Variants in MTHFD1 observed in about 807,000 individuals in gnomAD.
MTHFD1 encodes the protein methylenetetrahydrofolate dehydrogenase, cyclohydrolase and formyltetrahydrofolate synthetase 1.
MTHFD1 carries 44 observed loss-of-function variants against 110.3 expected under a neutral mutation model. The ratio of observed to expected loss-of-function variants is 0.40; its 90% CI spans 0.31 to 0.51. The LOEUF is 0.51. MTHFD1 is among the 20% of genes least tolerant of loss of function. The pLI is 0.60. For synonymous variants in MTHFD1, 402 were observed against 428.8 expected, an observed-to-expected ratio of 0.94 and a Z score of 0.77; for missense variants, 909 against 1,173.1, an observed-to-expected ratio of 0.77 and a Z score of 3.29.
chr14:64,422,985 G>A (rs936718504), intron 8 of MTHFD1: 1 of 152,116 alleles, frequency 6.6e-6, no homozygotes, highest in Non-Finnish European at 1.5e-5. Flanking sequence ...CTTACCTGTG[G>A]GAAAACGAAA....
intron 22 of MTHFD1, among the ~76,000 whole-genome samples, chr14:64,446,260 G>A (rs749417213): frequency 1.2e-4 from 19 of 152,084 alleles, no homozygotes; most frequent in Non-Finnish European, 2.5e-4. Flanking sequence ...GTATTTTTGT[G>A]TTTGTCCTAA....
chr14:64,448,695 C>G, intron 23 of MTHFD1: 1 of 275,308 alleles, frequency 3.6e-6, no homozygotes, highest in Non-Finnish European at 7.0e-6. Context: ...GGGCATATTA[C>G]TCTGGAAGGG....
At chr14:64,391,268 G>C (rs1192806129) in intron 1 of MTHFD1, among the ~76,000 whole-genome samples, 1 of 152,056 alleles carries the variant, frequency 6.6e-6, no homozygotes, top group African/African-American at 2.4e-5. Context: ...GGGTTCAAAC[G>C]ATTCTCCTGC....
At chr14:64,441,234 C>G in intron 18 of MTHFD1, 151 bp from the exon 19 acceptor site, 1 of 766,040 alleles carries the variant, frequency 1.3e-6, no homozygotes, top group Non-Finnish European at 2.4e-6. Context: ...ATAGCATATC[C>G]AGAAAAAAAC....
At chr14:64,457,226 AGC>A (rs1194965800) in intron 26 of MTHFD1, among the ~76,000 whole-genome samples, 9 of 152,208 alleles carry the variant, frequency 5.9e-5, no homozygotes, top group African/African-American at 1.7e-4. Context: ...CAGCTCAGCT[AGC>A]AAGACTGAAC....
intron 16 of MTHFD1, among the ~76,000 whole-genome samples, chr14:64,435,966 G>A (rs1016577419): frequency 1.3e-5 from 2 of 152,188 alleles, no homozygotes; most frequent in Non-Finnish European, 2.9e-5. Flanking sequence ...TTAATTTTAT[G>A]CAAAAAGTTT....
intron 8 of MTHFD1, among the ~76,000 whole-genome samples, chr14:64,420,480 T>C (rs571134759): frequency 1.3e-5 from 2 of 152,280 alleles, no homozygotes; most frequent in East Asian, 3.9e-4. Context: ...CATTCTTCCT[T>C]CCCGCAAGTC....
chr14:64,444,693 G>T lies in MTHFD1; in HGVS notation c.2137G>T (p.Val713Phe). The change falls in exon 22 of 28, where the codon GTC (valine) becomes TTC (phenylalanine). Residue 713 changes from valine (V) to phenylalanine (F), a missense_variant and splice_region_variant. Coordinates refer to ENST00000652337, the MANE Select transcript of MTHFD1 (RefSeq NM_005956.4). ...ALKMHGGGPTVTAGLPLPKAY... is the reference protein window; with the variant it reads ...ALKMHGGGPTFTAGLPLPKAY... ...CTGACTCTGTTTCTTTTCCTTCCAG[G>T]TCACTGCTGGACTGCCTCTTCCCAA... The T allele has an allele frequency of 1.2e-6, 2 of 1,613,994 alleles. No individual in the cohort carries two copies.
Position 64,460,004 on chromosome 14 carries a change from C to T in MTHFD1, c.*250C>T. On this transcript the variant is annotated 3_prime_UTR_variant, in exon 28 of 28. Coordinates refer to ENST00000652337, the MANE Select transcript of MTHFD1 (RefSeq NM_005956.4). ...ACAGAATAAAAGGAAACAAGTTTGCCATCTTGGTGTTGCAATATGAATTAC... is the reference window on the plus strand; with the variant it reads ...ACAGAATAAAAGGAAACAAGTTTGCTATCTTGGTGTTGCAATATGAATTAC... 7.5e-7 allele frequency: 1 copy of T among 1,326,638 alleles called. No homozygotes were observed. Among genetic ancestry groups the T allele is most frequent in the Non-Finnish European group, 1.0e-6 (1 of 971,408 alleles). The allele number at this position is 1,326,638 out of a possible 1,614,324, so 82.2% of individuals were successfully genotyped here. A position where few individuals can be genotyped will look rare whatever the true frequency, so the allele number is the denominator to read the frequency against.
intron 25 of MTHFD1, among the ~76,000 whole-genome samples, chr14:64,454,379 C>G (rs531701880): frequency 2.0e-5 from 3 of 152,264 alleles, no homozygotes; most frequent in Admixed American, 1.3e-4. Context: ...TCCCAAAGTG[C>G]TGGAATTTAT....
intron 2 of MTHFD1, among the ~76,000 whole-genome samples, chr14:64,408,658 T>C (rs2077957859): frequency 6.6e-6 from 1 of 152,152 alleles, no homozygotes; most frequent in Non-Finnish European, 1.5e-5. Context: ...CTTTCCCCTA[T>C]AAAATGCCTA....
At chr14:64,458,508 T>G (rs1596574077) in intron 27 of MTHFD1, 2 of 602,006 alleles carry the variant, frequency 3.3e-6, no homozygotes, top group Middle Eastern at 4.6e-4. Flanking sequence ...CAACACATTT[T>G]TGGAAGAAGC....
intron 7 of MTHFD1, 96 bp downstream of exon 7, chr14:64,418,120 C>G: frequency 1.4e-6 from 2 of 1,453,172 alleles, no homozygotes; most frequent in Non-Finnish European, 9.6e-7. Flanking sequence ...TCATTTAACC[C>G]CATCATCTCA....
Position 64,449,066 on chromosome 14 carries a change from T to G in MTHFD1, c.2280-379T>G, listed in dbSNP as rs891738500. The G allele has an allele frequency of 2.1e-5, 7 of 334,886 alleles. No individual in the cohort carries two copies. The East Asian group carries it at 5.3e-4, about 25-fold the overall frequency. The allele number at this position is 334,886 out of a possible 1,614,324, so 20.7% of individuals were successfully genotyped here. ...CTCCCACCTCGGCCTCCCAAAGTGT[T>G]GGGATTACAAGTGTGAGCCACCGCG... On this transcript the variant is annotated intron_variant, in intron 23 of 27. Transcript: ENST00000652337.
chr14:64,458,648 G>A, intron 27 of MTHFD1: 1 of 376,440 alleles, frequency 2.7e-6, no homozygotes, highest in Non-Finnish European at 5.1e-6. Context: ...CAGAGTTGAT[G>A]ACACATTGCA....
intron 2 of MTHFD1, among the ~76,000 whole-genome samples, chr14:64,408,853 G>A (rs1396117261): frequency 6.6e-6 from 1 of 152,158 alleles, no homozygotes; most frequent in Non-Finnish European, 1.5e-5. Flanking sequence ...GGAAGCTGAG[G>A]TGGGAGGATT....
At chr14:64,407,037 A>C (rs1037830103) in intron 2 of MTHFD1, among the ~76,000 whole-genome samples, 9 of 152,180 alleles carry the variant, frequency 5.9e-5, no homozygotes, top group South Asian at 2.1e-4. Flanking sequence ...TTAGCAATGC[A>C]TTCAAGAACA....
At chr14:64,412,632 GTA>G in intron 4 of MTHFD1, 107 bp downstream of exon 4, 2 of 554,414 alleles carry the variant, frequency 3.6e-6, no homozygotes, top group Non-Finnish European at 6.0e-6. Context: ...AGACCTCCAG[GTA>G]TTTTTTTTTT....
At chr14:64,400,925 C>A in intron 2 of MTHFD1, 48 bp downstream of exon 2, 1 of 1,374,948 alleles carries the variant, frequency 7.3e-7, no homozygotes. Flanking sequence ...CTTGATTTCT[C>A]AGTATCATTT....
Sources: gnomAD v4.1 joint callset for allele counts (sites outside exome capture counted in the v4.1 genomes callset) on GRCh38, gnomAD v4.1.1 for gene constraint, MANE v1.5 for transcripts, NCBI Gene and HGNC (gene_info 2026-07-23, HGNC 2026-07-21) for gene names.